Variants in POLR2B observed in about 807,000 individuals in gnomAD.
The protein encoded by POLR2B is RNA polymerase II subunit B.
Under a neutral mutation model 144.6 loss-of-function variants are expected in POLR2B, and 57 were observed. The observed-to-expected ratio is 0.39, with a 90% confidence interval of 0.32 to 0.49. The LOEUF (loss-of-function observed/expected upper bound fraction) is 0.49, where lower values mean the gene tolerates loss of function less well. Among genes scored for constraint, POLR2B ranks in the 20% least tolerant of loss-of-function variants. The pLI, the probability that POLR2B is intolerant of heterozygous loss-of-function variation, is 0.83. For missense variants in POLR2B, 595 were observed against 1,467.4 expected (o/e 0.41, Z 9.71); for synonymous variants, 442 against 469.8 (o/e 0.94, Z 0.77).
chr4:57,009,320 T>A (rs960119975), intron 10 of POLR2B, among the ~76,000 whole-genome samples: 1 of 152,062 alleles, frequency 6.6e-6, no homozygotes, highest in African/African-American at 2.4e-5. Flanking sequence ...GGTCAAAGGC[T>A]TGGAGGTGAG....
intron 10 of POLR2B, among the ~76,000 whole-genome samples, 154 bp downstream of exon 10, chr4:57,007,156 C>G (rs1443702544): frequency 6.6e-6 from 1 of 152,184 alleles, no homozygotes; most frequent in East Asian, 1.9e-4. Flanking sequence ...CACCTGTAAT[C>G]CCAGCACTTT....
intron 1 of POLR2B, among the ~76,000 whole-genome samples, chr4:56,984,382 CACAT>C (rs774750170): frequency 5.9e-4 from 89 of 151,554 alleles, no homozygotes; most frequent in Non-Finnish European, 1.1e-3. Flanking sequence ...ATAATAGATA[CACAT>C]TTGTTATATG....
At chr4:57,020,089 A>C (rs1560483251) in intron 16 of POLR2B, among the ~76,000 whole-genome samples, 1 of 152,168 alleles carries the variant, frequency 6.6e-6, no homozygotes, top group Admixed American at 6.5e-5. Flanking sequence ...GCTGGAGTGC[A>C]GTGGCACGAT....
At position 56,986,124 on chromosome 4, in the gene POLR2B, AC is replaced by A. The variant is rs1159631079; in HGVS notation, c.20-229del. 6.0e-6 allele frequency: 3 copies of A among 497,270 alleles called. No individual in the cohort carries two copies. In the East Asian group the frequency reaches 1.2e-4, roughly 19 times the overall value. 30.8% of individuals were successfully genotyped at this position (497,270 alleles called of 1,614,324 possible). ...ATAAAATGGAAAACTTAACATTCATACAACTTACATTGAACCTTTCTAATAA... is the reference window on the plus strand; with the variant it reads ...ATAAAATGGAAAACTTAACATTCATAAACTTACATTGAACCTTTCTAATAA... On this transcript the variant is annotated intron_variant, in intron 1 of 24. Coordinates refer to ENST00000314595, the MANE Select transcript of POLR2B (RefSeq NM_000938.3).
At position 57,017,452 on chromosome 4, in the gene POLR2B, A is replaced by G; in HGVS notation, c.2155-108A>G. ...AATGGTTATTACTTACTGTTTTTGAAAAAAATCAGGAGTTTTACCAATCAT... is the reference window on the plus strand; with the variant it reads ...AATGGTTATTACTTACTGTTTTTGAGAAAAATCAGGAGTTTTACCAATCAT... On this transcript the variant is annotated intron_variant, in intron 15 of 24. Coordinates refer to ENST00000314595, the MANE Select transcript of POLR2B (RefSeq NM_000938.3). The surrounding 1 kb of genome is among the most constrained non-coding windows in gnomAD (Gnocchi z 4.8). 2 of 1,015,508 alleles carry G rather than the reference A, an allele frequency of 2.0e-6. No homozygotes were observed. Among genetic ancestry groups the G allele is most frequent in the Admixed American group, 5.7e-5 (2 of 35,208 alleles). 62.9% of individuals were successfully genotyped at this position (1,015,508 alleles called of 1,614,324 possible). A position where few individuals can be genotyped will look rare whatever the true frequency, so the allele number is the denominator to read the frequency against.
At chr4:57,001,331 G>C (rs1428811276) in intron 7 of POLR2B, among the ~76,000 whole-genome samples, 1 of 152,080 alleles carries the variant, frequency 6.6e-6, no homozygotes, top group Admixed American at 6.6e-5. Context: ...GCTAATTTTT[G>C]TAGTTTTAGT....
chr4:56,980,226 A>G (rs1722114541), intron 1 of POLR2B, among the ~76,000 whole-genome samples: 1 of 152,028 alleles, frequency 6.6e-6, no homozygotes, highest in Non-Finnish European at 1.5e-5. Context: ...GTGCCCAGCC[A>G]AAAGCTTAAA....
intron 1 of POLR2B, among the ~76,000 whole-genome samples, chr4:56,981,474 G>C (rs1722156196): frequency 6.6e-6 from 1 of 152,224 alleles, no homozygotes; most frequent in South Asian, 2.1e-4. Flanking sequence ...CATTTTGCTA[G>C]ATGATGCCAA....
Position 56,999,849 on chromosome 4 carries a change from C to G in POLR2B, c.900+68C>G. ...TTTAGAGTTACTGATTGTTGCTAAC[C>G]TTAAAACATAGTAGAAAGCTGTTCT... On this transcript the variant is annotated intron_variant, in intron 7 of 24. Transcript: ENST00000314595. The G allele has an allele frequency of 2.7e-6, 3 of 1,108,424 alleles. No homozygotes were observed. In the South Asian group the frequency reaches 4.3e-5, roughly 16 times the overall value. 68.7% of individuals were successfully genotyped at this position (1,108,424 alleles called of 1,614,324 possible). A position where few individuals can be genotyped will look rare whatever the true frequency, so the allele number is the denominator to read the frequency against.
At chr4:56,982,372 C>T (rs139487351) in intron 1 of POLR2B, among the ~76,000 whole-genome samples, 7 of 151,896 alleles carry the variant, frequency 4.6e-5, no homozygotes, top group Admixed American at 3.9e-4. Flanking sequence ...GAATTTGAGA[C>T]CAGCCTGGGC....
chr4:56,990,744 C>G lies in POLR2B; in HGVS notation c.93-4C>G. ...CAACTGACTGAACTCAAATATTTTC[C>G]CAGTTCCTATTTTGACGAGAAAGGC... is the stretch of plus-strand genomic sequence containing the variant. On this transcript the variant is annotated splice_region_variant and splice_polypyrimidine_tract_variant and intron_variant, in intron 2 of 24. Coordinates refer to ENST00000314595, the MANE Select transcript of POLR2B (RefSeq NM_000938.3). The G allele has an allele frequency of 1.3e-6, 2 of 1,597,250 alleles. No homozygotes were observed. The highest frequency in any genetic ancestry group is 1.7e-6 in the Non-Finnish European group (2 of 1,173,030).
At chr4:57,008,161 T>C (rs923326036) in intron 10 of POLR2B, among the ~76,000 whole-genome samples, 16 of 151,988 alleles carry the variant, frequency 1.1e-4, no homozygotes, top group Non-Finnish European at 1.8e-4. Flanking sequence ...TGCCCTGTGC[T>C]GTGTTATGAC....
At chr4:57,020,771 C>T in intron 16 of POLR2B, 128 bp from the exon 17 acceptor site, 2 of 708,520 alleles carry the variant, frequency 2.8e-6, no homozygotes, top group Non-Finnish European at 5.1e-6. Context: ...TAGACTTTGG[C>T]AGTTACCATG....
At position 57,025,530 on chromosome 4, in the gene POLR2B, A is replaced by C; in HGVS notation, c.3232A>C (p.Arg1078=). The C allele has an allele frequency of 6.3e-7, 1 of 1,591,420 alleles. No individual in the cohort carries two copies. The highest frequency in any genetic ancestry group is 8.6e-7 in the Non-Finnish European group (1 of 1,160,022). The change falls in exon 23 of 25, where the codon AGA becomes CGA. Residue 1078 remains arginine, a synonymous_variant. Transcript: ENST00000314595. ...QILNRQPMEG[R]SRDGGLRFGE... ...CCTCAATAGACAGCCCATGGAGGGT[A>C]GATCTCGGTAAGAACTGTATCATCA...
chr4:57,014,957 C>T (rs1451205253), intron 13 of POLR2B, among the ~76,000 whole-genome samples: 1 of 152,120 alleles, frequency 6.6e-6, no homozygotes, highest in Non-Finnish European at 1.5e-5. Context: ...TACAACACAT[C>T]TCAGTTCAGA....
At chr4:57,008,674 G>C (rs537700333) in intron 10 of POLR2B, among the ~76,000 whole-genome samples, 3 of 152,334 alleles carry the variant, frequency 2.0e-5, no homozygotes, top group Admixed American at 6.5e-5. Flanking sequence ...GCTGCTCTGT[G>C]GAAATGCTGG....
Position 57,030,186 on chromosome 4 carries a change from A to C in POLR2B, c.3240-18A>C. 4 of 1,600,676 alleles carry C rather than the reference A, an allele frequency of 2.5e-6. No individual in the cohort carries two copies. The highest frequency in any genetic ancestry group is 3.4e-6 in the Non-Finnish European group (4 of 1,170,584). ...AATAAAAAATAAGTACAAAGTAATA[A>C]TTTTTTTCTCTTAACAGTGATGGTG... On this transcript the variant is annotated intron_variant, in intron 23 of 24. Transcript: ENST00000314595.
chr4:56,979,542 T>C (rs1164691697), intron 1 of POLR2B, among the ~76,000 whole-genome samples: 1 of 152,174 alleles, frequency 6.6e-6, no homozygotes, highest in Non-Finnish European at 1.5e-5. Context: ...TTTAACTTCC[T>C]CTTCTCACAA....
chr4:57,030,834 TG>T, intron 24 of POLR2B, 64 bp from the exon 25 acceptor site: 1 of 883,030 alleles, frequency 1.1e-6, no homozygotes, highest in Non-Finnish European at 1.9e-6. Flanking sequence ...TGTCTTTTTC[TG>T]GGGTAGAGAA....
Sources: allele counts gnomAD v4.1 joint callset (sites outside exome capture counted in the v4.1 genomes callset), GRCh38; gene constraint gnomAD v4.1.1; non-coding constraint Gnocchi (gnomAD v3.1); transcripts MANE v1.5; gene names NCBI Gene and HGNC (gene_info 2026-07-23, HGNC 2026-07-21).